CALN1: variants seen among roughly 807,000 people sequenced by gnomAD.
CALN1 encodes the protein calcium-binding protein 8.
Under a neutral mutation model 30.6 loss-of-function variants are expected in CALN1, and 17 were observed. The observed-to-expected ratio is 0.56, with a 90% CI of 0.38 to 0.83. The LOEUF (loss-of-function observed/expected upper bound fraction) is 0.83, where lower values mean the gene tolerates loss of function less well. Ranked by LOEUF, CALN1 falls within the 40% of genes least tolerant of loss-of-function variation. CALN1 has a pLI of 0.00. For missense variants in CALN1, 291 were observed against 354.9 expected (o/e 0.82, Z 1.45); for synonymous variants, 156 against 131.4 (o/e 1.19, Z -1.28).
intron 4 of CALN1, among the ~76,000 whole-genome samples, chr7:72,064,160 T>G (rs1450923743): frequency 6.6e-6 from 1 of 151,670 alleles, no homozygotes; most frequent in Non-Finnish European, 1.5e-5. Flanking sequence ...TACACTCCTG[T>G]AATCCCAGCT....
At chr7:72,236,059 T>A (rs1158525532) in intron 3 of CALN1, among the ~76,000 whole-genome samples, 1 of 118,764 alleles carries the variant, frequency 8.4e-6, no homozygotes, top group Non-Finnish European at 1.7e-5. Flanking sequence ...GCCTGGGCAA[T>A]ATAATGAGCC....
At chr7:72,228,534 T>A (rs968028801) in intron 3 of CALN1, among the ~76,000 whole-genome samples, 2 of 151,856 alleles carry the variant, frequency 1.3e-5, no homozygotes, top group Non-Finnish European at 2.9e-5. Flanking sequence ...AAGTTATTTT[T>A]AAAAATACTC....
chr7:72,332,094 C>T (rs1054882482), intron 2 of CALN1, among the ~76,000 whole-genome samples: 1 of 152,130 alleles, frequency 6.6e-6, no homozygotes, highest in Non-Finnish European at 1.5e-5. Flanking sequence ...TTTATCCAGT[C>T]TATCACTGAT....
At chr7:71,901,389 GAATT>G (rs1375998231) in intron 5 of CALN1, among the ~76,000 whole-genome samples, 6 of 125,060 alleles carry the variant, frequency 4.8e-5, no homozygotes, top group Admixed American at 8.2e-5. Flanking sequence ...ATTTTTCACA[GAATT>G]AATAAAAAAC....
At chr7:72,065,839 G>A (rs1356104711) in intron 4 of CALN1, among the ~76,000 whole-genome samples, 1 of 152,060 alleles carries the variant, frequency 6.6e-6, no homozygotes, top group Non-Finnish European at 1.5e-5. Context: ...GTTGCAGTGA[G>A]CCAAGATCAC....
chr7:72,310,919 A>G (rs1165349624), intron 2 of CALN1, among the ~76,000 whole-genome samples: 3 of 151,270 alleles, frequency 2.0e-5, no homozygotes, highest in African/African-American at 7.3e-5. Context: ...AAAAAAAAAA[A>G]AAAAAAAAAC....
intron 4 of CALN1, among the ~76,000 whole-genome samples, chr7:72,036,206 C>T (rs982190407): frequency 1.3e-5 from 2 of 152,184 alleles, no homozygotes; most frequent in African/African-American, 4.8e-5. Flanking sequence ...TGGTGAGAAA[C>T]ATGCTGACAA....
intron 5 of CALN1, among the ~76,000 whole-genome samples, chr7:71,895,867 C>T (rs1173078561): frequency 6.6e-6 from 1 of 152,164 alleles, no homozygotes; most frequent in Admixed American, 6.5e-5. Context: ...GTGACTTTTA[C>T]ACCAATCTAA....
chr7:72,369,420 G>A (rs1804090444), intron 2 of CALN1, among the ~76,000 whole-genome samples: 1 of 150,602 alleles, frequency 6.6e-6, no homozygotes, highest in South Asian at 2.1e-4. Context: ...CTGGAGTGCA[G>A]TGGCAATCCC....
chr7:72,354,885 A>T (rs934814349), intron 2 of CALN1, among the ~76,000 whole-genome samples: 1 of 150,036 alleles, frequency 6.7e-6, no homozygotes, highest in African/African-American at 2.5e-5. Context: ...GTAAGCAAAA[A>T]TTTCTTTTTT....
intron 2 of CALN1, among the ~76,000 whole-genome samples, chr7:72,370,923 C>G (rs2129560297): frequency 6.6e-6 from 1 of 151,892 alleles, no homozygotes. Flanking sequence ...TGGCATGTGC[C>G]TGTAATTCCA....
chr7:72,355,806 G>A (rs1158562190), intron 2 of CALN1, among the ~76,000 whole-genome samples: 1 of 152,116 alleles, frequency 6.6e-6, no homozygotes, highest in East Asian at 1.9e-4. Context: ...AGAGTACAAG[G>A]GCACAGTTTA....
At chr7:71,932,535 C>T (rs550855979) in intron 5 of CALN1, among the ~76,000 whole-genome samples, 2 of 151,874 alleles carry the variant, frequency 1.3e-5, no homozygotes, top group East Asian at 2.0e-4. Context: ...GTATATGTGC[C>T]GGGCAGGGTG....
At chr7:72,410,479 A>G (rs921680754) in intron 1 of CALN1, among the ~76,000 whole-genome samples, 2 of 152,170 alleles carry the variant, frequency 1.3e-5, no homozygotes, top group African/African-American at 4.8e-5. Flanking sequence ...TCTGCCCAAA[A>G]CCAATTAGAT....
intron 2 of CALN1, among the ~76,000 whole-genome samples, chr7:72,379,506 T>C (rs1460680405): frequency 6.6e-6 from 1 of 152,240 alleles, no homozygotes; most frequent in African/African-American, 2.4e-5. Context: ...CAAGCAGCAC[T>C]ACACTATTCA....
chr7:72,271,575 A>AAAAAAAAAAAAATATAT lies in CALN1; in HGVS notation c.244+7110_244+7111insATATATTTTTTTTTTTT. 1.2e-3 allele frequency among the ~76,000 whole-genome samples: 62 copies of AAAAAAAAAAAAATATAT among 52,124 alleles called. 1 individual carries two copies. The highest frequency in any genetic ancestry group is 7.5e-3 in the African/African-American group (56 of 7,446). The allele number at this position is 52,124 out of a possible 152,430, so 34.2% of individuals were successfully genotyped here. ...CTGTGCCTGCCTTTTAAAAAAAAAA[A>AAAAAAAAAAAAATATAT]ATATATATATATATATATAGTTTTC... On this transcript the variant is annotated intron_variant, in intron 3 of 6. Transcript: ENST00000395275.
At chr7:71,974,092 G>C (rs978721681) in intron 5 of CALN1, among the ~76,000 whole-genome samples, 1 of 152,044 alleles carries the variant, frequency 6.6e-6, no homozygotes, top group African/African-American at 2.4e-5. Context: ...ACAAAATGAT[G>C]ATCTTTATTA....
chr7:72,300,793 G>C (rs1158567872), intron 2 of CALN1, among the ~76,000 whole-genome samples: 1 of 152,148 alleles, frequency 6.6e-6, no homozygotes, highest in Non-Finnish European at 1.5e-5. Context: ...AGGAGTTCGA[G>C]ACCAGCCTGG....
chr7:71,967,892 A>G (rs993385315), intron 5 of CALN1, among the ~76,000 whole-genome samples: 10 of 152,222 alleles, frequency 6.6e-5, no homozygotes, highest in African/African-American at 2.2e-4. Flanking sequence ...ATCTATTGCT[A>G]GCAAAGATGT....
Sources: allele counts gnomAD v4.1 joint callset (sites outside exome capture counted in the v4.1 genomes callset), GRCh38; gene constraint gnomAD v4.1.1; transcripts MANE v1.5; gene names NCBI Gene and HGNC (gene_info 2026-07-23, HGNC 2026-07-21).